Variants in LRP1B observed in about 807,000 individuals in gnomAD.
LRP1B encodes the protein LDL receptor related protein 1B, also known as low-density lipoprotein receptor-related protein 1B.
LRP1B carries 217 observed loss-of-function variants against 556.6 expected under a neutral mutation model. The ratio of observed to expected loss-of-function variants is 0.39; its 90% CI spans 0.35 to 0.44. The LOEUF (loss-of-function observed/expected upper bound fraction) is 0.44, where lower values mean the gene tolerates loss of function less well. LRP1B is among the 20% of genes least tolerant of loss of function. The pLI, the probability that LRP1B is intolerant of heterozygous loss-of-function variation, is 1.00. For synonymous variants in LRP1B, 2,047 were observed against 1,865.8 expected (o/e 1.10, Z -2.50); for missense variants, 5,053 against 5,620.8 (o/e 0.90, Z 3.23).
chr2:141,163,983 T>G (rs1357127963), intron 7 of LRP1B, among the ~76,000 whole-genome samples: 1 of 152,024 alleles, frequency 6.6e-6, no homozygotes, highest in Admixed American at 6.6e-5. Context: ...GTGGGTAAAT[T>G]ACATTAGACC....
intron 18 of LRP1B, among the ~76,000 whole-genome samples, chr2:140,967,444 G>C (rs1696264529): frequency 6.6e-6 from 1 of 152,208 alleles, no homozygotes; most frequent in African/African-American, 2.4e-5. Flanking sequence ...TTTGGGCTGA[G>C]ATCACGGGGT....
At chr2:142,124,875 G>C (rs1380195317) in intron 1 of LRP1B, among the ~76,000 whole-genome samples, 2 of 148,628 alleles carry the variant, frequency 1.3e-5, no homozygotes, top group East Asian at 3.9e-4. Context: ...GGCTTTTCCT[G>C]CAAGACCAGT....
At chr2:141,658,446 G>A (rs760530778) in intron 2 of LRP1B, among the ~76,000 whole-genome samples, 6 of 152,174 alleles carry the variant, frequency 3.9e-5, no homozygotes, top group Non-Finnish European at 8.8e-5. Context: ...GGGAGTTGGG[G>A]AGCTAAGAAA....
chr2:141,130,709 G>GT (rs1181837608), intron 7 of LRP1B, among the ~76,000 whole-genome samples: 1 of 152,010 alleles, frequency 6.6e-6, no homozygotes, highest in Non-Finnish European at 1.5e-5. Flanking sequence ...ATAAATAGTA[G>GT]TACACAATGG....
intron 41 of LRP1B, among the ~76,000 whole-genome samples, chr2:140,617,083 T>G (rs1444881490): frequency 1.3e-5 from 2 of 152,002 alleles, no homozygotes; most frequent in African/African-American, 4.8e-5. Flanking sequence ...TAATATCTAG[T>G]CAATAGTATT....
At chr2:141,962,084 T>C (rs1053184980) in intron 1 of LRP1B, among the ~76,000 whole-genome samples, 1 of 151,758 alleles carries the variant, frequency 6.6e-6, no homozygotes, top group African/African-American at 2.4e-5. Flanking sequence ...ATTGCTAAAA[T>C]ACAGTAATTT....
At chr2:141,356,511 T>C (rs1445065163) in intron 3 of LRP1B, among the ~76,000 whole-genome samples, 1 of 151,428 alleles carries the variant, frequency 6.6e-6, no homozygotes, top group Non-Finnish European at 1.5e-5. Flanking sequence ...GGAGAGATGA[T>C]TTGAGCATCG....
chr2:140,333,539 A>G (rs1312395332), intron 79 of LRP1B, among the ~76,000 whole-genome samples: 3 of 152,136 alleles, frequency 2.0e-5, no homozygotes, highest in Admixed American at 1.3e-4. Flanking sequence ...GAGTAAAAAC[A>G]ATCTAAATGA....
chr2:141,634,034 T>C (rs1042018579), intron 2 of LRP1B, among the ~76,000 whole-genome samples: 3 of 148,842 alleles, frequency 2.0e-5, no homozygotes, highest in African/African-American at 7.3e-5. Flanking sequence ...ACAGCAATGC[T>C]TTCTTTTTTT....
chr2:140,847,372 C>T (rs6737803), intron 29 of LRP1B, among the ~76,000 whole-genome samples: 73,798 of 152,034 alleles, frequency 0.49, 19,408 homozygotes, highest in Middle Eastern at 0.61. Context: ...CATAATTTGG[C>T]GTCTATTTCA....
intron 7 of LRP1B, among the ~76,000 whole-genome samples, chr2:141,079,588 G>A (rs1699874483): frequency 6.6e-6 from 1 of 152,118 alleles, no homozygotes; most frequent in South Asian, 2.1e-4. Flanking sequence ...TTAATCTTTA[G>A]TTTCCTTCCT....
At chr2:140,599,870 A>T (rs1185471378) in intron 42 of LRP1B, among the ~76,000 whole-genome samples, 1 of 152,144 alleles carries the variant, frequency 6.6e-6, no homozygotes, top group Non-Finnish European at 1.5e-5. Context: ...ACTGAGCCAA[A>T]TTTTAAACTT....
At chr2:140,442,458 A>G in intron 66 of LRP1B, 46 bp downstream of exon 66, 1 of 1,577,486 alleles carries the variant, frequency 6.3e-7, no homozygotes, top group Non-Finnish European at 8.6e-7. Flanking sequence ...GTCGCAGATG[A>G]TGACTCAAAT....
chr2:142,030,789 C>A (rs1049355928), intron 1 of LRP1B, among the ~76,000 whole-genome samples: 1 of 151,690 alleles, frequency 6.6e-6, no homozygotes, highest in African/African-American at 2.4e-5. Flanking sequence ...CCAAGGGCAG[C>A]CCTTGGTTAT....
intron 3 of LRP1B, among the ~76,000 whole-genome samples, chr2:141,288,353 A>T (rs1045092911): frequency 2.0e-5 from 3 of 152,106 alleles, no homozygotes; most frequent in Non-Finnish European, 4.4e-5. Context: ...CATTAATCAT[A>T]ATTAACAGCC....
At chr2:140,447,981 A>G (rs1686737104) in intron 63 of LRP1B, among the ~76,000 whole-genome samples, 1 of 152,152 alleles carries the variant, frequency 6.6e-6, no homozygotes, top group Admixed American at 6.6e-5. Context: ...TTTTATGGAT[A>G]TGCTCTGTGG....
intron 3 of LRP1B, among the ~76,000 whole-genome samples, chr2:141,329,656 A>AACAAAACAAAACC (rs1341818505): frequency 2.5e-5 from 1 of 40,666 alleles, no homozygotes; most frequent in African/African-American, 8.7e-5. Flanking sequence ...AAAAAAAAAA[A>AACAAAACAAAACC]AAAAAAAAAC....
At chr2:140,962,530 G>A (rs1033273585) in intron 18 of LRP1B, among the ~76,000 whole-genome samples, 6 of 152,088 alleles carry the variant, frequency 3.9e-5, no homozygotes, top group Non-Finnish European at 5.9e-5. Context: ...TTTAAGCTAC[G>A]GTGTTCTGTA....
chr2:140,786,528 T>C (rs1194348973), intron 32 of LRP1B, among the ~76,000 whole-genome samples: 1 of 152,234 alleles, frequency 6.6e-6, no homozygotes, highest in Non-Finnish European at 1.5e-5. Context: ...CTCTGCAGTT[T>C]GTCTGAAGCT....
Sources: gnomAD v4.1 joint callset for allele counts (sites outside exome capture counted in the v4.1 genomes callset) on GRCh38, gnomAD v4.1.1 for gene constraint, MANE v1.5 for transcripts, NCBI Gene and HGNC (gene_info 2026-07-23, HGNC 2026-07-21) for gene names.